Variants in CCDC38 observed in about 807,000 individuals in gnomAD.
The protein encoded by CCDC38 is coiled-coil domain-containing protein 38.
CCDC38 carries 69 observed loss-of-function variants against 72.8 expected under a neutral mutation model. That is an observed-to-expected ratio of 0.95 (90% CI 0.78 to 1.16). CCDC38 has a LOEUF of 1.16. Among genes scored for constraint, CCDC38 ranks in the 50% most tolerant of loss-of-function variants. The pLI, the probability that CCDC38 is intolerant of heterozygous loss-of-function variation, is 0.00. For missense variants in CCDC38, 626 were observed against 638.9 expected, an observed-to-expected ratio of 0.98 and a Z score of 0.22; for synonymous variants, 201 against 213.2, an observed-to-expected ratio of 0.94 and a Z score of 0.50.
intron 10 of CCDC38, among the ~76,000 whole-genome samples, chr12:95,888,110 A>T (rs935148351): frequency 2.0e-5 from 3 of 152,240 alleles, no homozygotes; most frequent in Non-Finnish European, 2.9e-5. Context: ...CAACAAAAAA[A>T]TACTTTATGA....
chr12:95,897,944 A>C (rs1444492660), intron 7 of CCDC38, among the ~76,000 whole-genome samples: 1 of 152,180 alleles, frequency 6.6e-6, no homozygotes, highest in East Asian at 1.9e-4. Context: ...AATATAAAAA[A>C]TACTGCCCAT....
At chr12:95,869,655 A>C in intron 14 of CCDC38, 82 bp from the exon 15 acceptor site, 1 of 995,662 alleles carries the variant, frequency 1.0e-6, no homozygotes, top group Non-Finnish European at 1.6e-6. Flanking sequence ...TTAATGAGCC[A>C]TGTGACTAGA....
chr12:95,896,698 C>G (rs2079892645), intron 7 of CCDC38: 1 of 152,226 alleles, frequency 6.6e-6, no homozygotes, highest in African/African-American at 2.4e-5. Context: ...AGAAGATGCC[C>G]CCTTCCCTTT....
At chr12:95,893,639 G>A (rs529135249) in intron 8 of CCDC38, among the ~76,000 whole-genome samples, 40 of 151,802 alleles carry the variant, frequency 2.6e-4, no homozygotes, top group African/African-American at 9.7e-4. Context: ...GCATCACCAC[G>A]CCCAGCTAAT....
rs1222528673 is a variant in CCDC38 at position 95,879,961 on chromosome 12, G to C, written c.991-166C>G. The stretch of plus-strand genomic sequence containing the variant: ...CTCGCCTATTTCCAAGTGAGAGCTG[G>C]CTTTCAGAAAGAGCACATTTGCAGT... On this transcript the variant is annotated intron_variant, in intron 11 of 15. Transcript: ENST00000344280. This position sits in a 1 kb window ranked among gnomAD's most constrained non-coding sequence, Gnocchi z 5.5. 1 of 470,278 alleles carries C rather than the reference G, an allele frequency of 2.1e-6. No homozygotes were observed. The highest frequency in any genetic ancestry group is 3.8e-6 in the Non-Finnish European group (1 of 264,506). 29.1% of individuals were successfully genotyped at this position (470,278 alleles called of 1,614,324 possible).
rs569622792 is a variant in CCDC38 at position 95,879,791 on chromosome 12, G to A, written c.995C>T (p.Pro332Leu). 1 of 1,596,408 alleles carries A rather than the reference G, an allele frequency of 6.3e-7. No homozygotes were observed. The highest frequency in any genetic ancestry group is 2.2e-5 in the East Asian group (1 of 44,780). Residue 332 changes from proline (P) to leucine (L), a missense_variant, in exon 12 of 16, where the codon CCA becomes CTA. Transcript: ENST00000344280. The surrounding 1 kb of genome is among the most constrained non-coding windows in gnomAD (Gnocchi z 5.5). ...CTCTGGTTCCTTGAAATAAAGTGCT[G>A]GCTCCTAATTAATCAATAATGAAGA... ...LDDEMDVDLE[P>L]ALYFKEPEEL...
intron 5 of CCDC38, among the ~76,000 whole-genome samples, chr12:95,899,031 A>G (rs2079923544): frequency 6.6e-6 from 1 of 152,174 alleles, no homozygotes; most frequent in Non-Finnish European, 1.5e-5. Context: ...CCTACAGTGT[A>G]TTACCCTCCA....
chr12:95,925,583 T>C (rs1254507968), intron 2 of CCDC38, among the ~76,000 whole-genome samples: 1 of 152,216 alleles, frequency 6.6e-6, no homozygotes. Flanking sequence ...CGATGTTGAA[T>C]AGTAGTGGTG....
At chr12:95,915,354 A>T (rs1424603876) in intron 4 of CCDC38, among the ~76,000 whole-genome samples, 1 of 152,202 alleles carries the variant, frequency 6.6e-6, no homozygotes, top group Non-Finnish European at 1.5e-5. Flanking sequence ...AGAATACTGC[A>T]ACAGAGAGTC....
upstream of CCDC38, chr12:95,943,191 G>T: frequency 1.9e-6 from 1 of 538,934 alleles, no homozygotes; most frequent in South Asian, 2.7e-5. Flanking sequence ...TTCCTCATCA[G>T]GTTTATTACT....
intron 1 of CCDC38, among the ~76,000 whole-genome samples, chr12:95,941,922 T>C (rs2080455825): frequency 6.6e-6 from 1 of 150,898 alleles, no homozygotes; most frequent in African/African-American, 2.4e-5. Flanking sequence ...TTTATCTTTC[T>C]CTTTCCTAAC....
chr12:95,916,802 A>G (rs2080149289), intron 4 of CCDC38, among the ~76,000 whole-genome samples: 1 of 152,142 alleles, frequency 6.6e-6, no homozygotes, highest in South Asian at 2.1e-4. Context: ...AGAAACTTCT[A>G]AGTTTGACAT....
At chr12:95,927,300 C>T (rs1286549803) in intron 2 of CCDC38, among the ~76,000 whole-genome samples, 6 of 151,796 alleles carry the variant, frequency 4.0e-5, no homozygotes, top group Non-Finnish European at 7.4e-5. Context: ...TATGTAATGG[C>T]CTTGTCTCTT....
intron 2 of CCDC38, among the ~76,000 whole-genome samples, chr12:95,927,316 C>T (rs2080282550): frequency 1.3e-5 from 2 of 151,570 alleles, no homozygotes; most frequent in Non-Finnish European, 2.9e-5. Context: ...CTCTTTTGAT[C>T]TTTGTTGGTT....
At chr12:95,889,731 G>C (rs1044359516) in intron 9 of CCDC38, among the ~76,000 whole-genome samples, 2 of 152,078 alleles carry the variant, frequency 1.3e-5, no homozygotes, top group Admixed American at 6.5e-5. Flanking sequence ...GATGGATACA[G>C]GGAAGGGCAG....
At chr12:95,921,878 A>G (rs910738346) in intron 2 of CCDC38, among the ~76,000 whole-genome samples, 1 of 152,238 alleles carries the variant, frequency 6.6e-6, no homozygotes, top group East Asian at 1.9e-4. Context: ...AAGAAACTCA[A>G]TGATTCTTGC....
chr12:95,919,291 T>C (rs780288320), intron 2 of CCDC38: 10 of 367,008 alleles, frequency 2.7e-5, no homozygotes, highest in South Asian at 2.0e-4. Context: ...AACAGCTGGA[T>C]TGGTTACAGC....
chr12:95,875,294 T>A (rs2079623637), intron 13 of CCDC38, among the ~76,000 whole-genome samples: 1 of 152,136 alleles, frequency 6.6e-6, no homozygotes, highest in South Asian at 2.1e-4. Context: ...CACACGGGTG[T>A]GTTTGCTTTG....
intron 13 of CCDC38, among the ~76,000 whole-genome samples, chr12:95,877,728 A>G (rs2079650784): frequency 6.6e-6 from 1 of 152,208 alleles, no homozygotes; most frequent in Admixed American, 6.5e-5. Flanking sequence ...AAATAAGTGT[A>G]CTAGCACATA....
Sources: allele counts gnomAD v4.1 joint callset (sites outside exome capture counted in the v4.1 genomes callset), GRCh38; gene constraint gnomAD v4.1.1; non-coding constraint Gnocchi (gnomAD v3.1); transcripts MANE v1.5; gene names NCBI Gene and HGNC (gene_info 2026-07-23, HGNC 2026-07-21).